BTG4: variants seen among roughly 807,000 people sequenced by gnomAD.
BTG4 encodes the protein BTG anti-proliferation factor 4.
Under a neutral mutation model 19.3 loss-of-function variants are expected in BTG4, and 10 were observed. The observed-to-expected ratio is 0.52, with a 90% CI of 0.32 to 0.88. BTG4 has a LOEUF of 0.88. Ranked by LOEUF, BTG4 falls within the 40% of genes least tolerant of loss-of-function variation. The pLI, the probability that BTG4 is intolerant of heterozygous loss-of-function variation, is 0.04. For synonymous variants in BTG4, 91 were observed against 95.7 expected, an observed-to-expected ratio of 0.95 and a Z score of 0.29; for missense variants, 238 against 281.9, an observed-to-expected ratio of 0.84 and a Z score of 1.11.
At chr11:111,476,351 T>C (rs1447018464) in intron 5 of BTG4, among the ~76,000 whole-genome samples, 1 of 152,132 alleles carries the variant, frequency 6.6e-6, no homozygotes, top group Non-Finnish European at 1.5e-5. Context: ...TTAAGAGACA[T>C]CCATACATGG....
chr11:111,453,898 G>A, the BTG4 span, among the ~76,000 whole-genome samples: 3 of 152,202 alleles, frequency 2.0e-5, no homozygotes, highest in Admixed American at 1.3e-4. Flanking sequence ...GGTATTTATT[G>A]TATGTCACAC....
chr11:111,444,182 GGTGTGT>G, the BTG4 span, among the ~76,000 whole-genome samples: 1 of 131,786 alleles, frequency 7.6e-6, no homozygotes, highest in South Asian at 3.0e-4. Flanking sequence ...TACCCTGAGG[GGTGTGT>G]GTGTGTGTGT....
chr11:111,457,872 G>A, the BTG4 span: 4 of 152,340 alleles, frequency 2.6e-5, no homozygotes, highest in African/African-American at 7.2e-5. Flanking sequence ...GGAGGGCTGC[G>A]AGATGCTTCG....
At chr11:111,506,508 C>T (rs1398972815) in intron 1 of BTG4, among the ~76,000 whole-genome samples, 1 of 151,976 alleles carries the variant, frequency 6.6e-6, no homozygotes, top group Non-Finnish European at 1.5e-5. Context: ...GAAAAATTAC[C>T]TACTGGATAC....
At chr11:111,396,480 A>G in the BTG4 span, among the ~76,000 whole-genome samples, 1 of 152,216 alleles carries the variant, frequency 6.6e-6, no homozygotes, top group African/African-American at 2.4e-5. Context: ...TACGATGGGA[A>G]CATTCACTAC....
At chr11:111,502,705 T>C (rs910626515) in intron 1 of BTG4, among the ~76,000 whole-genome samples, 1 of 152,216 alleles carries the variant, frequency 6.6e-6, no homozygotes, top group African/African-American at 2.4e-5. Context: ...GGTGTTTTTA[T>C]AATTCTTTCA....
intron 1 of BTG4, among the ~76,000 whole-genome samples, chr11:111,503,964 T>C (rs1290925242): frequency 6.6e-6 from 1 of 152,140 alleles, no homozygotes; most frequent in Non-Finnish European, 1.5e-5. Flanking sequence ...AGTTTTAAAA[T>C]AGACAAAGTA....
At chr11:111,505,368 T>C (rs1449064637) in intron 1 of BTG4, among the ~76,000 whole-genome samples, 2 of 151,908 alleles carry the variant, frequency 1.3e-5, no homozygotes, top group African/African-American at 4.8e-5. Context: ...AAATAAACAA[T>C]GGGAAATAGA....
chr11:111,463,496 C>G (rs1863534520), downstream of BTG4: 1 of 152,678 alleles, frequency 6.5e-6, no homozygotes, highest in Non-Finnish European at 1.5e-5. Context: ...ACAGGTCAGG[C>G]TGGTCCCTAT....
chr11:111,431,370 T>C, the BTG4 span, among the ~76,000 whole-genome samples: 1 of 152,110 alleles, frequency 6.6e-6, no homozygotes, highest in Non-Finnish European at 1.5e-5. Flanking sequence ...GCCTATGATG[T>C]AGGCACTGCC....
chr11:111,454,461 A>G, the BTG4 span: 1 of 373,998 alleles, frequency 2.7e-6, no homozygotes, highest in East Asian at 7.2e-5. Context: ...CATAGAGTCC[A>G]AAGAATATGG....
In BTG4 at chr11:111,485,078, A is replaced by G. The variant is rs147977183; in HGVS notation, c.662+10085T>C. The stretch of plus-strand genomic sequence containing the variant: ...AAAAGCATATAACAATTATAAATAT[A>G]TATGTACCCAACACTGGAGCACCCG... On this transcript the variant is annotated intron_variant, in intron 5 of 5. Coordinates refer to the BTG4 transcript ENST00000356018. 7.0e-3 allele frequency among the ~76,000 whole-genome samples: 1,067 copies of G among 152,296 alleles called. 17 individuals are homozygous for G. The highest frequency in any genetic ancestry group is 0.025 in the African/African-American group (1,023 of 41,556).
the BTG4 span, among the ~76,000 whole-genome samples, chr11:111,426,682 T>C: frequency 1.3e-5 from 2 of 151,824 alleles, no homozygotes; most frequent in Non-Finnish European, 2.9e-5. Context: ...CACCACTAGA[T>C]GAGAAAGACC....
intron 5 of BTG4, among the ~76,000 whole-genome samples, chr11:111,472,989 A>G (rs1591453472): frequency 1.3e-5 from 2 of 152,244 alleles, no homozygotes; most frequent in East Asian, 3.9e-4. Flanking sequence ...AGAGTTTTAC[A>G]TACATCATCT....
rs758468135 is a variant in BTG4, at chr11:111,498,650, T to G, written c.127A>C (p.Arg43=). The change falls in exon 2 of 5, where the codon AGA becomes CGA. Residue 43 remains arginine (R), a synonymous_variant. Coordinates refer to ENST00000692032, the MANE Select transcript of BTG4 (RefSeq NM_001367975.1). The part of the protein sequence containing the change: ...KLMTILFETY[R]SHWHSDCPSK... ...GGGCAATCAGAGTGCCAGTGACTTC[T>G]GTATGTTTCAAACAAGATCGTCATC... 1.9e-6 allele frequency: 3 copies of G among 1,613,918 alleles called. No homozygotes were observed. The South Asian group carries it at 3.3e-5, about 18-fold the overall frequency.
At chr11:111,458,459 T>C in the BTG4 span, among the ~76,000 whole-genome samples, 57 of 152,184 alleles carry the variant, frequency 3.7e-4, no homozygotes, top group Non-Finnish European at 6.0e-4. Context: ...TGAGTTATGT[T>C]ATGGAGCATA....
At chr11:111,494,078 A>C (rs2135654985), downstream of BTG4, among the ~76,000 whole-genome samples, 1 of 152,336 alleles carries the variant, frequency 6.6e-6, no homozygotes, top group South Asian at 2.1e-4. Context: ...CTCAGCAAGA[A>C]AACCAAGATG....
Position 111,497,242 on chromosome 11 carries a change from G to C in BTG4, c.479C>G (p.Pro160Arg). The change falls in exon 4 of 5, where the codon CCT becomes CGT. Residue 160 changes from proline to arginine, a missense_variant. Transcript: ENST00000692032. Reference sequence around the variant, plus strand: ...AATACTCTTCGGATTGCTGACTTTAGGAATGACACGAGGTTCCTTGCTACA... The same window carrying C: ...AATACTCTTCGGATTGCTGACTTTACGAATGACACGAGGTTCCTTGCTACA... ...ESCSKEPRVI[P>R]KVSNPKSIYQ... 2 of 1,613,306 alleles carry C rather than the reference G, an allele frequency of 1.2e-6. No individual in the cohort carries two copies. The highest frequency in any genetic ancestry group is 2.2e-5 in the East Asian group (1 of 44,826).
At chr11:111,456,002 G>A in the BTG4 span, 1 of 316,186 alleles carries the variant, frequency 3.2e-6, no homozygotes, top group Admixed American at 3.6e-5. The surrounding 1 kb of genome is among the most constrained non-coding windows in gnomAD (Gnocchi z 4.2). Context: ...AGGTAGAAGA[G>A]GGCAAAACAG....
Sources: gnomAD v4.1 joint callset for allele counts (sites outside exome capture counted in the v4.1 genomes callset) on GRCh38, gnomAD v4.1.1 for gene constraint, Gnocchi (gnomAD v3.1) non-coding constraint, MANE v1.5 for transcripts, NCBI Gene and HGNC (gene_info 2026-07-23, HGNC 2026-07-21) for gene names.